The following COMMD7 variants were observed in gnomAD, a reference collection of about 807,000 sequenced individuals.
COMMD7 encodes the protein COMM domain-containing protein 7.
A neutral mutation model predicts 34.8 loss-of-function variants in COMMD7; 28 were observed. The observed-to-expected ratio is 0.80, with a 90% CI of 0.60 to 1.10. The LOEUF (loss-of-function observed/expected upper bound fraction) is 1.10, where lower values mean the gene tolerates loss of function less well. Among genes scored for constraint, COMMD7 ranks in the 50% least tolerant of loss-of-function variants. COMMD7 has a pLI of 0.00. For synonymous variants in COMMD7, 80 were observed against 86.4 expected (o/e 0.93, Z 0.41); for missense variants, 211 against 241.6 (o/e 0.87, Z 0.84).
chr20:32,703,764 T>C (rs1388550044), intron 8 of COMMD7: 16 of 1,485,170 alleles, frequency 1.1e-5, no homozygotes, highest in Non-Finnish European at 1.2e-5. Flanking sequence ...TCGTCAACCT[T>C]CTTCTTCAAT....
At position 32,706,728 on chromosome 20, in the gene COMMD7, C is replaced by T. The variant is rs757366417; in HGVS notation, c.274G>A (p.Val92Ile). 6.2e-7 allele frequency: 1 copy of T among 1,613,852 alleles called. No homozygotes were observed. Among genetic ancestry groups the T allele is most frequent in the South Asian group, 1.1e-5 (1 of 91,066 alleles). Reference sequence around the variant, plus strand: ...CCCAGAGTTATGAAATCCGCCTGGACCTGCTTGGCTGTGAGACTCTTCTTC... The same window carrying T: ...CCCAGAGTTATGAAATCCGCCTGGATCTGCTTGGCTGTGAGACTCTTCTTC... ...ALKKSLTAKQ[V>I]QADFITLGLS... is the part of the protein sequence containing the mutation. The change falls in exon 4 of 9, where the codon GTC becomes ATC. Residue 92 changes from valine to isoleucine, a missense_variant. Transcript: ENST00000278980.
chr20:32,708,637 CT>C (rs1418525735), intron 3 of COMMD7, among the ~76,000 whole-genome samples: 2 of 148,598 alleles, frequency 1.3e-5, no homozygotes, highest in African/African-American at 5.0e-5. Flanking sequence ...TCCCCAAACA[CT>C]GGGCTTTATT....
At chr20:32,717,423 T>A (rs1301725465) in intron 3 of COMMD7, among the ~76,000 whole-genome samples, 1 of 151,832 alleles carries the variant, frequency 6.6e-6, no homozygotes, top group Non-Finnish European at 1.5e-5. Flanking sequence ...CCTCCCAGGT[T>A]CAAGTGATTT....
intron 3 of COMMD7, among the ~76,000 whole-genome samples, chr20:32,716,702 G>T (rs975973687): frequency 1.3e-5 from 2 of 152,194 alleles, no homozygotes; most frequent in African/African-American, 2.4e-5. Flanking sequence ...ACTGAGGTGG[G>T]AGGACTGCTT....
At chr20:32,707,381 G>A (rs570846737) in intron 3 of COMMD7, among the ~76,000 whole-genome samples, 2 of 149,398 alleles carry the variant, frequency 1.3e-5, no homozygotes, top group South Asian at 2.2e-4. Context: ...GTGCAGTGGC[G>A]TGATCTCGGC....
intron 1 of COMMD7, among the ~76,000 whole-genome samples, chr20:32,735,931 C>T (rs866853697): frequency 1.3e-5 from 2 of 152,274 alleles, no homozygotes; most frequent in Middle Eastern, 3.4e-3. Context: ...TCTGAGTTTA[C>T]TCTCATTCTA....
At chr20:32,734,319 A>C (rs931121795) in intron 1 of COMMD7, among the ~76,000 whole-genome samples, 3 of 151,920 alleles carry the variant, frequency 2.0e-5, no homozygotes, top group Non-Finnish European at 4.4e-5. Flanking sequence ...CTAAAAATAC[A>C]AAAATTAGCC....
intron 1 of COMMD7, among the ~76,000 whole-genome samples, chr20:32,735,200 T>C (rs1568795060): frequency 6.6e-6 from 1 of 150,972 alleles, no homozygotes; most frequent in Non-Finnish European, 1.5e-5. Context: ...ATTGCGCCAT[T>C]GCACTCCAGC....
intron 3 of COMMD7, among the ~76,000 whole-genome samples, chr20:32,715,029 T>TAAATAA (rs757027337): frequency 6.8e-6 from 1 of 146,028 alleles, no homozygotes; most frequent in African/African-American, 2.5e-5. Context: ...AAAATAAAAA[T>TAAATAA]AAATAAATAA....
intron 1 of COMMD7, among the ~76,000 whole-genome samples, chr20:32,732,963 G>A (rs578119317): frequency 8.4e-4 from 127 of 150,418 alleles, no homozygotes; most frequent in Middle Eastern, 3.7e-3. Context: ...AAGGTCGGAC[G>A]CGGTGGCTCA....
chr20:32,707,117 CAAAAAAA>C (rs34159119), intron 3 of COMMD7, among the ~76,000 whole-genome samples: 4 of 118,466 alleles, frequency 3.4e-5, no homozygotes, highest in African/African-American at 9.6e-5. Flanking sequence ...ATTAAAAATA[CAAAAAAA>C]AAAAAAAAAA....
chr20:32,727,433 A>G (rs899269013), intron 3 of COMMD7, among the ~76,000 whole-genome samples: 1 of 151,324 alleles, frequency 6.6e-6, no homozygotes, highest in Non-Finnish European at 1.5e-5. Context: ...GCTACTCGGG[A>G]AGCTGAGTAG....
chr20:32,715,599 G>A (rs1460412542), intron 3 of COMMD7, among the ~76,000 whole-genome samples: 2 of 150,292 alleles, frequency 1.3e-5, no homozygotes, highest in African/African-American at 4.9e-5. Flanking sequence ...TTGAACTCAG[G>A]AGTTCAAGAC....
At chr20:32,726,572 G>A (rs955343955) in intron 3 of COMMD7, among the ~76,000 whole-genome samples, 6 of 151,280 alleles carry the variant, frequency 4.0e-5, no homozygotes, top group African/African-American at 7.3e-5. Flanking sequence ...GTGTGGTGGC[G>A]GGCACTTGTA....
intron 6 of COMMD7, 102 bp downstream of exon 6, chr20:32,704,712 G>A (rs1044566396): frequency 9.5e-5 from 84 of 887,408 alleles, no homozygotes; most frequent in Non-Finnish European, 1.0e-4. Context: ...CCCCAACAGT[G>A]CTAGGGACTA....
chr20:32,739,621 G>C (rs369842097), intron 1 of COMMD7, among the ~76,000 whole-genome samples: 1 of 108,742 alleles, frequency 9.2e-6, no homozygotes, highest in Non-Finnish European at 1.8e-5. Context: ...CTCCAGCCTC[G>C]GTGACAGAGC....
intron 3 of COMMD7, among the ~76,000 whole-genome samples, chr20:32,716,172 A>C (rs2145733229): frequency 6.6e-6 from 1 of 152,248 alleles, no homozygotes; most frequent in South Asian, 2.1e-4. Flanking sequence ...AAAATACAGG[A>C]GACAATGGGG....
intron 8 of COMMD7, 146 bp from the exon 9 acceptor site, chr20:32,703,604 A>G (rs1460281590): frequency 4.8e-6 from 7 of 1,444,198 alleles, no homozygotes; most frequent in Non-Finnish European, 6.3e-6. Flanking sequence ...ATCATAATAA[A>G]GAACTGAGAG....
At position 32,727,987 on chromosome 20, in the gene COMMD7, T is replaced by C; in HGVS notation, c.147A>G (p.Arg49=). 1 of 1,614,078 alleles carries C rather than the reference T, an allele frequency of 6.2e-7. No individual in the cohort carries two copies. Among genetic ancestry groups the C allele is most frequent in the Non-Finnish European group, 8.5e-7 (1 of 1,179,962 alleles). Residue 49 remains arginine (R), a synonymous_variant, in exon 3 of 9, where the codon AGA becomes AGG. Coordinates refer to ENST00000278980, the MANE Select transcript of COMMD7 (RefSeq NM_053041.3). Reference sequence around the variant, plus strand: ...CAAATTCAGAGAGCTGAGCCAGAAATCTTTCCACCTGCAGAGAGAGAACAG... The same window carrying C: ...CAAATTCAGAGAGCTGAGCCAGAAACCTTTCCACCTGCAGAGAGAGAACAG... ...HFLTEPKEVE[R]FLAQLSEFAT... is the part of the protein sequence containing the mutation.
Sources: allele counts gnomAD v4.1 joint callset (sites outside exome capture counted in the v4.1 genomes callset), GRCh38; gene constraint gnomAD v4.1.1; transcripts MANE v1.5; gene names NCBI Gene and HGNC (gene_info 2026-07-23, HGNC 2026-07-21).